MPPED2: variants seen among roughly 807,000 people sequenced by gnomAD.
MPPED2 encodes the protein metallophosphoesterase MPPED2.
MPPED2 carries 5 observed loss-of-function variants against 33.0 expected under a neutral mutation model. The observed-to-expected ratio is 0.15, with a 90% CI of 0.08 to 0.32. The LOEUF (loss-of-function observed/expected upper bound fraction) is 0.32. MPPED2 is among the 10% of genes least tolerant of loss of function. The pLI, the probability that MPPED2 is intolerant of heterozygous loss-of-function variation, is 1.00. For missense variants in MPPED2, 275 were observed against 372.1 expected, an observed-to-expected ratio of 0.74 and a Z score of 2.15; for synonymous variants, 136 against 141.9, an observed-to-expected ratio of 0.96 and a Z score of 0.29.
chr11:30,569,682 A>T (rs530089007), intron 2 of MPPED2, among the ~76,000 whole-genome samples: 53 of 152,256 alleles, frequency 3.5e-4, no homozygotes, highest in African/African-American at 1.2e-3. Context: ...ATGATTTTTT[A>T]AAAAATATTG....
At chr11:30,481,507 T>C (rs1951485333) in intron 4 of MPPED2, among the ~76,000 whole-genome samples, 1 of 152,156 alleles carries the variant, frequency 6.6e-6, no homozygotes, top group Admixed American at 6.6e-5. Context: ...GTCGACCTGT[T>C]TTGCAGACTG....
intron 1 of MPPED2, among the ~76,000 whole-genome samples, chr11:30,583,392 C>T (rs1414260338): frequency 6.6e-6 from 1 of 152,030 alleles, no homozygotes; most frequent in Non-Finnish European, 1.5e-5. Flanking sequence ...CTATTCTTTT[C>T]ATAAATTTTC....
intron 2 of MPPED2, among the ~76,000 whole-genome samples, chr11:30,556,549 G>A (rs770201185): frequency 6.6e-6 from 1 of 152,158 alleles, no homozygotes; most frequent in East Asian, 1.9e-4. Context: ...TAATCCACAA[G>A]TCTGTCACTG....
intron 4 of MPPED2, among the ~76,000 whole-genome samples, chr11:30,461,562 C>T (rs1004518641): frequency 6.6e-6 from 1 of 152,014 alleles, no homozygotes; most frequent in African/African-American, 2.4e-5. Flanking sequence ...CAAACTACAA[C>T]GTCTGCATTA....
intron 3 of MPPED2, among the ~76,000 whole-genome samples, chr11:30,527,042 A>G (rs1954231183): frequency 6.6e-6 from 1 of 151,680 alleles, no homozygotes; most frequent in African/African-American, 2.4e-5. Context: ...GCCCTGCCTC[A>G]GCCTCTCGGA....
At chr11:30,450,732 T>C (rs946796174) in intron 4 of MPPED2, among the ~76,000 whole-genome samples, 2 of 152,234 alleles carry the variant, frequency 1.3e-5, no homozygotes, top group African/African-American at 2.4e-5. Context: ...TAACAGCATA[T>C]GTTTTAGTGG....
chr11:30,493,457 C>A (rs1320088881), intron 4 of MPPED2, among the ~76,000 whole-genome samples: 2 of 151,766 alleles, frequency 1.3e-5, no homozygotes, highest in Middle Eastern at 3.2e-3. Context: ...AATCTGAATT[C>A]AGTCTGCTTG....
Position 30,416,759 on chromosome 11 carries a change from C to T in MPPED2, c.652+759G>A, listed in dbSNP as rs532768053. ...ACACCTTAGTCATTTAGAAAGGGTC[C>T]TGGCATAATGGGTACTGAGTAGATG... On this transcript the variant is annotated intron_variant, in intron 5 of 6. Transcript: ENST00000358117. Among the ~76,000 whole-genome samples the T allele has an allele frequency of 8.5e-5, 13 of 152,160 alleles. 1 individual carries two copies. The highest frequency in any genetic ancestry group is 2.6e-4 in the Admixed American group (4 of 15,280).
intron 2 of MPPED2, among the ~76,000 whole-genome samples, chr11:30,563,267 G>A (rs570372776): frequency 6.6e-6 from 1 of 152,248 alleles, no homozygotes; most frequent in African/African-American, 2.4e-5. Flanking sequence ...ATGGGGGTAT[G>A]AGGGGGTACG....
At chr11:30,582,532 A>G (rs978734873) in intron 1 of MPPED2, among the ~76,000 whole-genome samples, 2 of 152,228 alleles carry the variant, frequency 1.3e-5, no homozygotes, top group Non-Finnish European at 2.9e-5. Context: ...ACCCAGTACT[A>G]GAAAGATTTT....
chr11:30,435,223 T>C (rs934218124), intron 4 of MPPED2, among the ~76,000 whole-genome samples: 2 of 152,240 alleles, frequency 1.3e-5, no homozygotes, highest in African/African-American at 4.8e-5. Context: ...AAGTGGGTTA[T>C]AACTGCATGG....
chr11:30,402,698 T>G (rs577169999), intron 6 of MPPED2, among the ~76,000 whole-genome samples: 2 of 152,368 alleles, frequency 1.3e-5, no homozygotes, highest in Admixed American at 1.3e-4. Flanking sequence ...AGCTTTTTAT[T>G]AAGTAAACTT....
At chr11:30,522,387 T>TATAC (rs1554990036) in intron 3 of MPPED2, among the ~76,000 whole-genome samples, 1 of 146,282 alleles carries the variant, frequency 6.8e-6, no homozygotes, top group Non-Finnish European at 1.5e-5. Context: ...CAGGAAAACA[T>TATAC]ACACACACAC....
At chr11:30,565,939 C>T (rs373133242) in intron 2 of MPPED2, among the ~76,000 whole-genome samples, 4 of 151,862 alleles carry the variant, frequency 2.6e-5, no homozygotes, top group South Asian at 2.1e-4. Flanking sequence ...ACTGTTATGA[C>T]GGTGTTATCT....
Position 30,493,137 on chromosome 11 carries a change from A to G in MPPED2, c.536+2159T>C, listed in dbSNP as rs991183820. On this transcript the variant is annotated intron_variant, in intron 4 of 6. Transcript: ENST00000358117. ...AAAAAAATTATAGAAAATATCTCGC[A>G]CTTTGGGAGGCCGAGGCGGGCGGAT... is the stretch of plus-strand genomic sequence containing the variant. Among the ~76,000 whole-genome samples the G allele has an allele frequency of 5.3e-5, 8 of 152,288 alleles. No individual in the cohort carries two copies. The South Asian group carries it at 1.7e-3, about 32-fold the overall frequency.
intron 4 of MPPED2, among the ~76,000 whole-genome samples, chr11:30,448,175 G>A (rs1949897339): frequency 6.6e-6 from 1 of 152,152 alleles, no homozygotes; most frequent in African/African-American, 2.4e-5. Flanking sequence ...TCCTAAGAGG[G>A]GAAAGGGTTT....
intron 3 of MPPED2, among the ~76,000 whole-genome samples, chr11:30,512,794 A>G (rs924343888): frequency 6.6e-6 from 1 of 152,178 alleles, no homozygotes; most frequent in Non-Finnish European, 1.5e-5. Context: ...CAAGGTCAGG[A>G]GTTCAAGACC....
At chr11:30,422,549 C>T (rs1195361444) in intron 4 of MPPED2, among the ~76,000 whole-genome samples, 1 of 152,064 alleles carries the variant, frequency 6.6e-6, no homozygotes, top group African/African-American at 2.4e-5. Flanking sequence ...AAACATGAAA[C>T]CCCAGCAGTG....
Position 30,458,914 on chromosome 11 carries a change from C to CTTTTTTTTTT in MPPED2, c.536+36372_536+36381dup, listed in dbSNP as rs71060450. 6.0e-4 allele frequency among the ~76,000 whole-genome samples: 39 copies of CTTTTTTTTTT among 64,542 alleles called. 3 individuals carry two copies. The highest frequency in any genetic ancestry group is 1.2e-3 in the Admixed American group (6 of 4,866). 42.3% of individuals were successfully genotyped at this position (64,542 alleles called of 152,430 possible). A position where few individuals can be genotyped will look rare whatever the true frequency, so the allele number is the denominator to read the frequency against. ...TTTTTTAGGACAATTTTGCACAGTT[C>CTTTTTTTTTT]TTTTTTTTTTTTTTTTTTTTTTTTT... On this transcript the variant is annotated intron_variant, in intron 4 of 6. Coordinates refer to ENST00000358117, the MANE Select transcript of MPPED2 (RefSeq NM_001584.3).
Sources: gnomAD v4.1 joint callset for allele counts (sites outside exome capture counted in the v4.1 genomes callset) on GRCh38, gnomAD v4.1.1 for gene constraint, MANE v1.5 for transcripts, NCBI Gene and HGNC (gene_info 2026-07-23, HGNC 2026-07-21) for gene names.